SPOPL: variants seen among roughly 807,000 people sequenced by gnomAD.
The protein encoded by SPOPL is speckle type BTB/POZ protein like.
In SPOPL, 23 loss-of-function variants were observed where a neutral mutation model predicts 53.8. The ratio of observed to expected loss-of-function variants is 0.43; its 90% CI spans 0.31 to 0.61. SPOPL has a LOEUF of 0.61. Among genes scored for constraint, SPOPL ranks in the 20% least tolerant of loss-of-function variants. The pLI, the probability that SPOPL is intolerant of heterozygous loss-of-function variation, is 0.12. For missense variants in SPOPL, 442 were observed against 466.9 expected (o/e 0.95, Z 0.49); for synonymous variants, 164 against 149.7 (o/e 1.10, Z -0.70).
chr2:138,547,120 C>G (rs1685213336), intron 1 of SPOPL, among the ~76,000 whole-genome samples: 1 of 152,128 alleles, frequency 6.6e-6, no homozygotes, highest in Non-Finnish European at 1.5e-5. Context: ...CGCCCGCCCC[C>G]ATGCCTGGCT....
At chr2:138,537,664 G>C (rs933049675) in intron 1 of SPOPL, among the ~76,000 whole-genome samples, 1 of 152,210 alleles carries the variant, frequency 6.6e-6, no homozygotes, top group Non-Finnish European at 1.5e-5. Context: ...GGAGGACATT[G>C]ACTGGACCTG....
At chr2:138,504,752 C>T (rs1019145664) in intron 1 of SPOPL, among the ~76,000 whole-genome samples, 2 of 152,138 alleles carry the variant, frequency 1.3e-5, no homozygotes, top group South Asian at 4.1e-4. Context: ...AGAACTAAAG[C>T]AGTAGTTACT....
chr2:138,550,189 A>C lies in SPOPL; in HGVS notation c.-28A>C. ...ACTCAACTGTGTGGGGTACTACATAAATCCTGAAAGACTACAATAAAGTGG... is the reference window on the plus strand; with the variant it reads ...ACTCAACTGTGTGGGGTACTACATACATCCTGAAAGACTACAATAAAGTGG... On this transcript the variant is annotated 5_prime_UTR_variant, in exon 2 of 11. It removes the in-frame stop codon of an upstream open reading frame in the 5' UTR. Transcript: ENST00000280098. The C allele has an allele frequency of 6.2e-7, 1 of 1,609,080 alleles. No individual in the cohort carries two copies. Among genetic ancestry groups the C allele is most frequent in the East Asian group, 2.2e-5 (1 of 44,800 alleles).
chr2:138,506,204 C>G (rs1217656860), intron 1 of SPOPL, among the ~76,000 whole-genome samples: 2 of 152,216 alleles, frequency 1.3e-5, no homozygotes, highest in Non-Finnish European at 2.9e-5. Context: ...TAAGTCATTG[C>G]TTCTCAAACT....
chr2:138,562,629 C>G (rs1685573435), intron 8 of SPOPL, among the ~76,000 whole-genome samples: 2 of 151,682 alleles, frequency 1.3e-5, no homozygotes, highest in Non-Finnish European at 2.9e-5. Flanking sequence ...ACTAAAAATA[C>G]AAAAATGAGC....
chr2:138,518,061 AAAAAG>A (rs1684481557), intron 1 of SPOPL, among the ~76,000 whole-genome samples: 1 of 151,390 alleles, frequency 6.6e-6, no homozygotes, highest in Non-Finnish European at 1.5e-5. Context: ...AAAAAAAAAA[AAAAAG>A]AAAAGGAAAA....
intron 5 of SPOPL, 85 bp from the exon 6 acceptor site, chr2:138,558,937 A>G: frequency 8.6e-7 from 1 of 1,164,250 alleles, no homozygotes; most frequent in South Asian, 2.1e-5. Context: ...AATAAGCTTA[A>G]ACATAAAAAA....
At chr2:138,551,164 T>A in intron 4 of SPOPL, 110 bp downstream of exon 4, 1 of 1,237,472 alleles carries the variant, frequency 8.1e-7, no homozygotes, top group Non-Finnish European at 1.1e-6. Context: ...AAAATCTGCT[T>A]AACCTGAAAC....
rs144303360 is a variant in SPOPL at position 138,516,253 on chromosome 2, G to A, written c.-61+14134G>A. On this transcript the variant is annotated intron_variant, in intron 1 of 10. Transcript: ENST00000280098. ...AAATGTTAACCATGCTTGCTAGAGC[G>A]TCTTTGAAGTTGTGATGTATTGTGG... Among the ~76,000 whole-genome samples, 421 of 152,252 alleles carry A rather than the reference G, an allele frequency of 2.8e-3. 3 individuals are homozygous for A. The highest frequency in any genetic ancestry group is 9.6e-3 in the African/African-American group (399 of 41,548).
intron 1 of SPOPL, among the ~76,000 whole-genome samples, chr2:138,544,747 C>T (rs1330854027): frequency 6.6e-6 from 1 of 152,198 alleles, no homozygotes; most frequent in Non-Finnish European, 1.5e-5. Context: ...TGTCCTGCAC[C>T]CACTTTCCGA....
chr2:138,550,812 GTTCTCTCTCTCTCT>G lies in SPOPL; in HGVS notation c.201-76_201-63del, dbSNP rs1193782426. 5.0e-5 allele frequency: 66 copies of G among 1,309,458 alleles called. No homozygotes were observed. In the African/African-American group the frequency reaches 9.6e-4, roughly 19 times the overall value. The allele number at this position is 1,309,458 out of a possible 1,614,324, so 81.1% of individuals were successfully genotyped here. A position where few individuals can be genotyped will look rare whatever the true frequency, so the allele number is the denominator to read the frequency against. The stretch of plus-strand genomic sequence containing the variant: ...TGTGACATTAACACATGATTTCAGT[GTTCTCTCTCTCTCT>G]TTCTCTCTCTCTCTCTCTCTCTCGA... On this transcript the variant is annotated intron_variant, in intron 3 of 10. Coordinates refer to ENST00000280098, the MANE Select transcript of SPOPL (RefSeq NM_001001664.3).
At chr2:138,535,555 C>CTTTTTTTTTTTTTTTTTTTGTTTT (rs539254466) in intron 1 of SPOPL, among the ~76,000 whole-genome samples, 1 of 86,952 alleles carries the variant, frequency 1.2e-5, no homozygotes, top group Non-Finnish European at 2.2e-5. Flanking sequence ...ATTCTAGTAG[C>CTTTTTTTTTTTTTTTTTTTGTTTT]TTTTTTTTTT....
chr2:138,515,923 A>G (rs2104859762), intron 1 of SPOPL, among the ~76,000 whole-genome samples: 1 of 152,340 alleles, frequency 6.6e-6, no homozygotes, highest in South Asian at 2.1e-4. Context: ...ATTCAAAAGT[A>G]TTTACTGATT....
At chr2:138,543,633 C>T (rs1473330289) in intron 1 of SPOPL, among the ~76,000 whole-genome samples, 8 of 152,008 alleles carry the variant, frequency 5.3e-5, no homozygotes, top group South Asian at 2.1e-4. Flanking sequence ...GTTAGCCATT[C>T]GTCTAATTTT....
chr2:138,513,690 T>C (rs2104857883), intron 1 of SPOPL, among the ~76,000 whole-genome samples: 1 of 150,634 alleles, frequency 6.6e-6, no homozygotes, highest in Non-Finnish European at 1.5e-5. Flanking sequence ...CAGTGAGCTA[T>C]GGTCTTGTCA....
At chr2:138,544,910 CT>C (rs1434023488) in intron 1 of SPOPL, among the ~76,000 whole-genome samples, 2 of 152,236 alleles carry the variant, frequency 1.3e-5, no homozygotes, top group Non-Finnish European at 2.9e-5. Flanking sequence ...GTGTTTGCCC[CT>C]GGGCATACCC....
intron 1 of SPOPL, among the ~76,000 whole-genome samples, chr2:138,534,579 G>A (rs1435101495): frequency 1.3e-5 from 2 of 152,112 alleles, no homozygotes; most frequent in African/African-American, 4.8e-5. Flanking sequence ...GGACTTCTAT[G>A]TGCAGGTATT....
chr2:138,544,400 C>G (rs372384744), intron 1 of SPOPL, among the ~76,000 whole-genome samples: 2 of 152,200 alleles, frequency 1.3e-5, no homozygotes, highest in Non-Finnish European at 2.9e-5. Context: ...GCTTCCAGGC[C>G]GCTTTGTTTA....
intron 1 of SPOPL, among the ~76,000 whole-genome samples, chr2:138,542,655 A>G (rs1399445913): frequency 6.6e-6 from 1 of 152,108 alleles, no homozygotes; most frequent in Non-Finnish European, 1.5e-5. Context: ...GGTTTCCTGA[A>G]TACAGCACAC....
Sources: gnomAD v4.1 joint callset for allele counts (sites outside exome capture counted in the v4.1 genomes callset) on GRCh38, gnomAD v4.1.1 for gene constraint, MANE v1.5 for transcripts, NCBI Gene and HGNC (gene_info 2026-07-23, HGNC 2026-07-21) for gene names.